Variants in TMEM67 observed in about 807,000 individuals in gnomAD.
The protein encoded by TMEM67 is meckelin.
In TMEM67, 124 loss-of-function variants were observed where a neutral mutation model predicts 136.6. The ratio of observed to expected loss-of-function variants is 0.91; its 90% CI spans 0.78 to 1.05. The LOEUF is 1.05. Ranked by LOEUF, TMEM67 falls within the 50% of genes least tolerant of loss-of-function variation. The pLI, the probability that TMEM67 is intolerant of heterozygous loss-of-function variation, is 0.00. For synonymous variants in TMEM67, 364 were observed against 390.5 expected, an observed-to-expected ratio of 0.93 and a Z score of 0.80; for missense variants, 1,107 against 1,178.4, an observed-to-expected ratio of 0.94 and a Z score of 0.89.
chr8:93,758,625 GTTTTTGTT>G (rs766979277), intron 3 of TMEM67, 49 bp downstream of exon 3: 1 of 1,462,594 alleles, frequency 6.8e-7, no homozygotes, highest in African/African-American at 1.4e-5. Context: ...CTTCATTCTT[GTTTTTGTT>G]TTTATTTGAA....
rs148145848 is a variant in TMEM67, at chr8:93,787,625, A to G, written c.1413-219A>G. On this transcript the variant is annotated intron_variant, in intron 13 of 27. Coordinates refer to ENST00000453321, the MANE Select transcript of TMEM67 (RefSeq NM_153704.6). ...TTTGGTTTGCTTTTTCTTTAATCTTACACCATCAGATGGTATATTTTAATG... is the reference window on the plus strand; with the variant it reads ...TTTGGTTTGCTTTTTCTTTAATCTTGCACCATCAGATGGTATATTTTAATG... Among the ~76,000 whole-genome samples the G allele has an allele frequency of 6.2e-4, 95 of 152,322 alleles. No homozygotes were observed. The East Asian group carries it at 0.017, about 27-fold the overall frequency.
At chr8:93,797,997 A>C (rs958278454) in intron 20 of TMEM67, among the ~76,000 whole-genome samples, 1 of 152,174 alleles carries the variant, frequency 6.6e-6, no homozygotes. Context: ...AAAAACAAAC[A>C]AACAAAAAGT....
intron 3 of TMEM67, among the ~76,000 whole-genome samples, chr8:93,762,351 T>C (rs1239654192): frequency 6.6e-6 from 1 of 151,302 alleles, no homozygotes; most frequent in African/African-American, 2.4e-5. Context: ...TTTTTTTTTT[T>C]TTACTTTTTA....
rs546657158 is a variant in TMEM67, at chr8:93,795,464, T to C, written c.1730T>C (p.Ile577Thr). The C allele has an allele frequency of 1.2e-6, 2 of 1,614,134 alleles. No homozygotes were observed. Among genetic ancestry groups the C allele is most frequent in the Non-Finnish European group, 1.7e-6 (2 of 1,180,004 alleles). The change falls in exon 17 of 28, where the codon ATC (isoleucine) becomes ACC (threonine). Residue 577 changes from isoleucine to threonine, a missense_variant. Physicochemically the swap from Ile to Thr is moderately conservative, Grantham distance 89 (BLOSUM62 -1). Around this residue, in one of 3 missense-constraint regions of TMEM67, gnomAD observed 925 missense variants for 1,002.4 expected, o/e 0.92. Coordinates refer to ENST00000453321, the MANE Select transcript of TMEM67 (RefSeq NM_153704.6). ...YAGDLANVFFIITVGTGLYWL... is the reference protein window; with the variant it reads ...YAGDLANVFFTITVGTGLYWL... ...GGTGATCTGGCCAATGTTTTCTTTA[T>C]CATCACAGTGGGAACAGGTCTTTAC...
At chr8:93,791,498 C>T (rs1814374108) in intron 15 of TMEM67, among the ~76,000 whole-genome samples, 179 bp downstream of exon 15, 1 of 152,108 alleles carries the variant, frequency 6.6e-6, no homozygotes, top group Non-Finnish European at 1.5e-5. Flanking sequence ...TGATGTAGTC[C>T]TATTAACTAA....
chr8:93,810,025 G>A, intron 26 of TMEM67, 138 bp downstream of exon 26: 28 of 544,168 alleles, frequency 5.1e-5, no homozygotes, highest in Non-Finnish European at 7.4e-5. Flanking sequence ...CTGGAGTGCA[G>A]TGGCACGATC....
At chr8:93,805,605 T>G (rs1046566377) in intron 23 of TMEM67, among the ~76,000 whole-genome samples, 4 of 150,730 alleles carry the variant, frequency 2.7e-5, no homozygotes, top group Non-Finnish European at 5.9e-5. Context: ...AAAAGAAAGT[T>G]GCTAGGGACC....
intron 21 of TMEM67, among the ~76,000 whole-genome samples, chr8:93,800,027 C>T (rs1320557026): frequency 1.3e-5 from 2 of 151,586 alleles, no homozygotes; most frequent in East Asian, 3.9e-4. Context: ...CCCACCTCAA[C>T]CTCCTGAGTA....
At chr8:93,822,256 T>A (rs945786754), downstream of TMEM67, among the ~76,000 whole-genome samples, 1 of 152,246 alleles carries the variant, frequency 6.6e-6, no homozygotes, top group African/African-American at 2.4e-5. Context: ...TCAACCTTGT[T>A]AGTCATAAGA....
At chr8:93,781,822 G>T in intron 10 of TMEM67, 78 bp downstream of exon 10, 1 of 799,760 alleles carries the variant, frequency 1.3e-6, no homozygotes. Flanking sequence ...AAAGATTATT[G>T]TATGAATAAA....
intron 6 of TMEM67, among the ~76,000 whole-genome samples, chr8:93,767,680 C>T (rs1197264267): frequency 6.7e-6 from 1 of 148,694 alleles, no homozygotes; most frequent in Non-Finnish European, 1.5e-5. Context: ...CTCAAATTGT[C>T]CTATATCTGG....
chr8:93,777,318 A>AT (rs1232691935), intron 7 of TMEM67, among the ~76,000 whole-genome samples: 3 of 151,888 alleles, frequency 2.0e-5, no homozygotes, highest in African/African-American at 7.3e-5. Flanking sequence ...GGATTCCTTG[A>AT]TTTTTTGAAG....
rs555383976 is a variant in TMEM67 at position 93,764,130 on chromosome 8, T to A, written c.506+189T>A. 1.9e-3 allele frequency among the ~76,000 whole-genome samples: 295 copies of A among 152,290 alleles called. 1 individual carries two copies. Among genetic ancestry groups the A allele is most frequent in the Non-Finnish European group, 3.2e-3 (221 of 68,018 alleles). On this transcript the variant is annotated intron_variant, in intron 4 of 27. Coordinates refer to ENST00000453321, the MANE Select transcript of TMEM67 (RefSeq NM_153704.6). ...AGACACACTAGGGTTCAAATTTTGG[T>A]CCAGTCTGTTAGTTGTCTGACCTTG...
chr8:93,831,688 G>C, the TMEM67 span, among the ~76,000 whole-genome samples: 1 of 151,454 alleles, frequency 6.6e-6, no homozygotes, highest in South Asian at 2.1e-4. Context: ...GTGTGTGCAT[G>C]TGTGTGTGTG....
downstream of TMEM67, chr8:93,819,163 A>T (rs1248189024): frequency 2.2e-6 from 1 of 448,564 alleles, no homozygotes; most frequent in Admixed American, 2.4e-5. Flanking sequence ...TGGAATTTTT[A>T]TTTTTAGTTT....
intron 26 of TMEM67, chr8:93,811,181 G>C (rs1370719573): frequency 1.3e-5 from 2 of 152,250 alleles, no homozygotes; most frequent in Admixed American, 6.5e-5. Flanking sequence ...TGCAGGCACA[G>C]GTTATGCCAG....
chr8:93,774,723 G>A (rs1472988853), intron 7 of TMEM67, among the ~76,000 whole-genome samples: 5 of 152,206 alleles, frequency 3.3e-5, no homozygotes, highest in African/African-American at 9.7e-5. Context: ...ATTCCATGGT[G>A]TATAATATGC....
At chr8:93,803,062 G>A (rs1246576826) in intron 21 of TMEM67, among the ~76,000 whole-genome samples, 1 of 152,114 alleles carries the variant, frequency 6.6e-6, no homozygotes, top group Non-Finnish European at 1.5e-5. Context: ...CTAAAAAGAT[G>A]TACCATGTAA....
At chr8:93,795,877 T>G (rs1231054474) in intron 17 of TMEM67, 24 bp from the exon 18 acceptor site, 1 of 1,489,406 alleles carries the variant, frequency 6.7e-7, no homozygotes, top group South Asian at 1.2e-5. Flanking sequence ...GTGATAATAT[T>G]TAATCAAGTA....
Sources: allele counts gnomAD v4.1 joint callset (sites outside exome capture counted in the v4.1 genomes callset), GRCh38; gene constraint gnomAD v4.1.1; regional missense constraint gnomAD v4.1.1; transcripts MANE v1.5; gene names NCBI Gene and HGNC (gene_info 2026-07-23, HGNC 2026-07-21).